MAP1A: variants seen among roughly 807,000 people sequenced by gnomAD.
The protein encoded by MAP1A is microtubule associated protein 1A.
MAP1A carries 42 observed loss-of-function variants against 185.9 expected under a neutral mutation model. That is an observed-to-expected ratio of 0.23 (90% CI 0.18 to 0.29). MAP1A has a LOEUF of 0.29. MAP1A is among the 10% of genes least tolerant of loss of function. The pLI, the probability that MAP1A is intolerant of heterozygous loss-of-function variation, is 1.00. For missense variants in MAP1A, 2,995 were observed against 3,450.4 expected, an observed-to-expected ratio of 0.87 and a Z score of 3.31; for synonymous variants, 1,229 against 1,335.9, an observed-to-expected ratio of 0.92 and a Z score of 1.74.
rs762520240 is a variant in MAP1A, at chr15:43,521,040, T to C, written c.-223T>C. On this transcript the variant is annotated 5_prime_UTR_variant, in exon 3 of 6. Coordinates refer to ENST00000300231, the MANE Select transcript of MAP1A (RefSeq NM_002373.6). The surrounding 1 kb of genome is among the most constrained non-coding windows in gnomAD (Gnocchi z 4.6). ...TCTTGAGTGGGCAAAGTTTAGAGCC[T>C]GGGGGAGACCTCATCCTACAGAGTG... is the stretch of plus-strand genomic sequence containing the variant. The C allele has an allele frequency of 1.3e-6, 2 of 1,550,342 alleles. No individual in the cohort carries two copies. The highest frequency in any genetic ancestry group is 2.4e-5 in the South Asian group (2 of 84,052).
At chr15:43,518,986 C>T (rs891474194) in intron 1 of MAP1A, among the ~76,000 whole-genome samples, 2 of 152,136 alleles carry the variant, frequency 1.3e-5, no homozygotes. Context: ...AAATGGGGAC[C>T]GTGAGGAATG....
At position 43,530,545 on chromosome 15, in the gene MAP1A, A is replaced by G. The variant is rs1423794527; in HGVS notation, c.*321A>G. 3 of 282,032 alleles carry G rather than the reference A, an allele frequency of 1.1e-5. No homozygotes were observed. The highest frequency in any genetic ancestry group is 2.0e-5 in the Non-Finnish European group (3 of 149,712). The allele number at this position is 282,032 out of a possible 1,614,324, so 17.5% of individuals were successfully genotyped here. A position where few individuals can be genotyped will look rare whatever the true frequency, so the allele number is the denominator to read the frequency against. ...TGGGGACTGAGGATGGGTCTCAGAGAGCAACCTCCTCCCTCGTAGAGGGAG... is the reference window on the plus strand; with the variant it reads ...TGGGGACTGAGGATGGGTCTCAGAGGGCAACCTCCTCCCTCGTAGAGGGAG... On this transcript the variant is annotated 3_prime_UTR_variant, in exon 6 of 6. Coordinates refer to ENST00000300231, the MANE Select transcript of MAP1A (RefSeq NM_002373.6).
upstream of MAP1A, among the ~76,000 whole-genome samples, chr15:43,514,676 C>T (rs894772453): frequency 3.3e-5 from 5 of 152,100 alleles, no homozygotes; most frequent in Admixed American, 2.6e-4. Flanking sequence ...AGTCAGTGGC[C>T]CAGCTCCTTC....
In MAP1A at chr15:43,528,409, T is replaced by C; in HGVS notation, c.6936T>C (p.Ala2312=). 1 of 1,613,734 alleles carries C rather than the reference T, an allele frequency of 6.2e-7. No individual in the cohort carries two copies. The part of the protein sequence containing the change: ...DLTPLSPAPP[A]SLDLALAPAP... ...CTCCTCTGAGCCCAGCACCCCCAGC[T>C]TCACTGGACTTGGCCCTAGCTCCAG... Residue 2312 remains alanine, a synonymous_variant, in exon 4 of 6, where the codon GCT becomes GCC. Transcript: ENST00000300231.
At chr15:43,518,572 C>T (rs73403747) in intron 1 of MAP1A, among the ~76,000 whole-genome samples, 60 of 152,068 alleles carry the variant, frequency 3.9e-4, no homozygotes, top group African/African-American at 1.4e-3. Context: ...GGGGTGGGGG[C>T]GGAGCTGGAG....
In MAP1A at chr15:43,528,431, C is replaced by T; in HGVS notation, c.6958C>T (p.Pro2320Ser). 6.2e-7 allele frequency: 1 copy of T among 1,613,614 alleles called. No individual in the cohort carries two copies. The highest frequency in any genetic ancestry group is 8.5e-7 in the Non-Finnish European group (1 of 1,180,028). The change falls in exon 4 of 6, where the codon CCA becomes TCA. Residue 2320 changes from proline (P) to serine (S), a missense_variant. By Grantham distance (74) the Pro-to-Ser change is moderately conservative. Around this residue, in one of 3 missense-constraint regions of MAP1A, gnomAD observed 2,728 missense variants for 2,986.0 expected, o/e 0.91. Transcript: ENST00000300231. ...AGCTTCACTGGACTTGGCCCTAGCTCCAGCTCCAAGCCTGCCTGGAGACAT... is the reference window on the plus strand; with the variant it reads ...AGCTTCACTGGACTTGGCCCTAGCTTCAGCTCCAAGCCTGCCTGGAGACAT... ...PPASLDLALA[P>S]APSLPGDMGD...
At position 43,524,702 on chromosome 15, in the gene MAP1A, G is replaced by T; in HGVS notation, c.3229G>T (p.Val1077Phe). 1 of 1,614,100 alleles carries T rather than the reference G, an allele frequency of 6.2e-7. No individual in the cohort carries two copies. The highest frequency in any genetic ancestry group is 8.5e-7 in the Non-Finnish European group (1 of 1,179,994). ...GAGCCCCCAGGCCCAGGAAGCACCT[G>T]TCAACATTGATGAGGGGCTTACAGG... The part of the protein sequence containing the change: ...PRSPQAQEAP[V>F]NIDEGLTGCT... Residue 1077 changes from valine to phenylalanine, a missense_variant, in exon 4 of 6, where the codon GTC becomes TTC. Val to Phe is a conservative substitution (Grantham distance 50). Transcript: ENST00000300231.
Position 43,529,145 on chromosome 15 carries a change from C to G in MAP1A, c.7672C>G (p.His2558Asp). 1 of 1,613,326 alleles carries G rather than the reference C, an allele frequency of 6.2e-7. No homozygotes were observed. The highest frequency in any genetic ancestry group is 8.5e-7 in the Non-Finnish European group (1 of 1,179,890). ...TGGTACTCACCACCCCAGGCCTGGC[C>G]ATGACCCACCTCCTCTCCCACAGCC... ...VSGTHHPRPGHDPPPLPQPDP... is the reference protein window; with the variant it reads ...VSGTHHPRPGDDPPPLPQPDP... Residue 2558 changes from histidine to aspartate, a missense_variant, in exon 4 of 6, where the codon CAT becomes GAT. By Grantham distance (81) the His-to-Asp change is moderately conservative (BLOSUM62 -1). Transcript: ENST00000300231. This position sits in a 1 kb window ranked among gnomAD's most constrained non-coding sequence, Gnocchi z 4.3.
chr15:43,524,416 GGA>G lies in MAP1A; in HGVS notation c.2945_2946del (p.Glu982AlafsTer4). The G allele has an allele frequency of 6.2e-7, 1 of 1,614,210 alleles. No homozygotes were observed. The highest frequency in any genetic ancestry group is 8.5e-7 in the Non-Finnish European group (1 of 1,180,040). On this transcript the variant is annotated frameshift_variant, in exon 4 of 6. Coordinates refer to ENST00000300231, the MANE Select transcript of MAP1A (RefSeq NM_002373.6). LOFTEE classifies it high-confidence loss of function. ...GAGAACCAGCCCTTGGAGAAGCAGA[GGA>G]GCGGTGCCTTAGCCCAGATGACAGC... ...PGEPALGEAE[E>X]RCLSPDDSTV...
At chr15:43,511,370 A>G in intron 1 of MAP1A, 1 of 655,190 alleles carries the variant, frequency 1.5e-6, no homozygotes, top group Non-Finnish European at 2.7e-6. Flanking sequence ...TGCATCTTCC[A>G]TGCCATGTGT....
rs1190745816 is a variant in MAP1A at position 43,524,659 on chromosome 15, G to C, written c.3186G>C (p.Glu1062Asp). The C allele has an allele frequency of 1.9e-6, 3 of 1,614,184 alleles. No homozygotes were observed. Among genetic ancestry groups the C allele is most frequent in the Admixed American group, 3.3e-5 (2 of 60,028 alleles). Residue 1062 changes from glutamate (E) to aspartate (D), a missense_variant, in exon 4 of 6, where the codon GAG (glutamate) becomes GAC (aspartate). By Grantham distance (45) the Glu-to-Asp change is conservative. This residue lies in a region of MAP1A where 2,728 missense variants were observed against 2,986.0 expected (regional missense o/e 0.91). Coordinates refer to ENST00000300231, the MANE Select transcript of MAP1A (RefSeq NM_002373.6). ...GPEEGTLEKE[E>D]KVPPPRSPQA... ...AAGAGGGCACACTAGAGAAGGAAGA[G>C]AAAGTTCCTCCTCCCAGGAGCCCCC...
In MAP1A at chr15:43,529,113, G is replaced by C. The variant is rs367826387; in HGVS notation, c.7640G>C (p.Gly2547Ala). Residue 2547 changes from glycine to alanine, a missense_variant, in exon 4 of 6, where the codon GGT (glycine) becomes GCT (alanine). This residue lies in a region of MAP1A where 2,728 missense variants were observed against 2,986.0 expected (regional missense o/e 0.91). Coordinates refer to ENST00000300231, the MANE Select transcript of MAP1A (RefSeq NM_002373.6). The surrounding 1 kb of genome is among the most constrained non-coding windows in gnomAD (Gnocchi z 4.3). Reference protein sequence around the residue: ...GDFLPVDKAGGVSGTHHPRPG... With the variant: ...GDFLPVDKAGAVSGTHHPRPG... ...TTCCTACCTGTGGACAAAGCTGGGG[G>C]TGTCAGTGGTACTCACCACCCCAGG... The C allele has an allele frequency of 2.5e-6, 4 of 1,613,546 alleles. No homozygotes were observed. Among genetic ancestry groups the C allele is most frequent in the Admixed American group, 1.7e-5 (1 of 59,998 alleles).
rs946414236 is a variant in MAP1A at position 43,523,328 on chromosome 15, G to A, written c.1855G>A (p.Glu619Lys). 3 of 1,610,794 alleles carry A rather than the reference G, an allele frequency of 1.9e-6. No homozygotes were observed. The highest frequency in any genetic ancestry group is 2.5e-6 in the Non-Finnish European group (3 of 1,178,310). ...AGACTCTGGGGCTGAAACAGAGGAA[G>A]AGAAAGATACCTGGGAGGAAAAGAA... ...GLDSGAETEEEKDTWEEKKQR... is the reference protein window; with the variant it reads ...GLDSGAETEEKKDTWEEKKQR... Residue 619 changes from glutamate (E) to lysine (K), a missense_variant, in exon 4 of 6, where the codon GAG becomes AAG. By Grantham distance (56) the Glu-to-Lys change is moderately conservative. Transcript: ENST00000300231.
In MAP1A at chr15:43,521,360, C is replaced by T. The variant is rs182590177; in HGVS notation, c.-114C>T. ...GCTCAGCAATAGAGACCCTGGGATA[C>T]AGGCCTTCCTTACCGTGTCCTGCTT... On this transcript the variant is annotated 5_prime_UTR_variant, in exon 4 of 6. Transcript: ENST00000300231. The surrounding 1 kb of genome is among the most constrained non-coding windows in gnomAD (Gnocchi z 4.6). The T allele has an allele frequency of 3.1e-6, 5 of 1,613,274 alleles. No homozygotes were observed. Among genetic ancestry groups the T allele is most frequent in the Non-Finnish European group, 3.4e-6 (4 of 1,179,802 alleles).
rs1185786744 is a variant in MAP1A, at chr15:43,530,007, C to A, written c.8257-62C>A. 5.7e-6 allele frequency: 9 copies of A among 1,576,030 alleles called. No homozygotes were observed. In the African/African-American group the frequency reaches 1.1e-4, roughly 19 times the overall value. Reference sequence around the variant, plus strand: ...CTGCTTCTGAGACCATGAGGTGCCCCTTCCCCCTCACCTACCTTCCCTTTA... The same window carrying A: ...CTGCTTCTGAGACCATGAGGTGCCCATTCCCCCTCACCTACCTTCCCTTTA... On this transcript the variant is annotated intron_variant, in intron 5 of 5. Coordinates refer to ENST00000300231, the MANE Select transcript of MAP1A (RefSeq NM_002373.6).
rs2079352810 is a variant in MAP1A, at chr15:43,527,881, C to T, written c.6408C>T (p.Pro2136=). 1 of 1,614,050 alleles carries T rather than the reference C, an allele frequency of 6.2e-7. No homozygotes were observed. Among genetic ancestry groups the T allele is most frequent in the Non-Finnish European group, 8.5e-7 (1 of 1,180,008 alleles). ...CTCACCCCATTCCTATGGGGTCCCCCACATTATGGCCAGAAACTGAGGCAC... is the reference window on the plus strand; with the variant it reads ...CTCACCCCATTCCTATGGGGTCCCCTACATTATGGCCAGAAACTGAGGCAC... ...SPPHPIPMGS[P]TLWPETEAHV... is the part of the protein sequence containing the mutation. Residue 2136 remains proline, a synonymous_variant, in exon 4 of 6, where the codon CCC becomes CCT. Transcript: ENST00000300231.
At chr15:43,516,083 A>G (rs958965934), upstream of MAP1A, among the ~76,000 whole-genome samples, 84 of 152,180 alleles carry the variant, frequency 5.5e-4, no homozygotes, top group African/African-American at 1.9e-3. Context: ...AGCCCTAGAA[A>G]GCAGGGAGGA....
rs770289774 is a variant in MAP1A, at chr15:43,527,529, C to A, written c.6056C>A (p.Ser2019Tyr). ...RNTSAEKELSSPISPKSLQSD... is the reference protein window; with the variant it reads ...RNTSAEKELSYPISPKSLQSD... ...ACATCTGCAGAGAAGGAGCTTTCAT[C>A]TCCTATCTCACCCAAGAGCCTCCAG... Residue 2019 changes from serine to tyrosine, a missense_variant, in exon 4 of 6, where the codon TCT becomes TAT. Ser to Tyr is a moderately radical substitution (Grantham distance 144). Around this residue, in one of 3 missense-constraint regions of MAP1A, gnomAD observed 2,728 missense variants for 2,986.0 expected, o/e 0.91. Transcript: ENST00000300231. 1.2e-6 allele frequency: 2 copies of A among 1,614,096 alleles called. No homozygotes were observed. The highest frequency in any genetic ancestry group is 2.2e-5 in the East Asian group (1 of 44,882).
At chr15:43,512,500 A>G (rs1490183915) in intron 2 of MAP1A, among the ~76,000 whole-genome samples, 1 of 152,210 alleles carries the variant, frequency 6.6e-6, no homozygotes, top group Non-Finnish European at 1.5e-5. Context: ...ACTGGAGAAC[A>G]TAACTTCTCC....
Sources: gnomAD v4.1 joint callset for allele counts (sites outside exome capture counted in the v4.1 genomes callset) on GRCh38, gnomAD v4.1.1 for gene constraint, gnomAD v4.1.1 regional missense constraint, Gnocchi (gnomAD v3.1) non-coding constraint, MANE v1.5 for transcripts, NCBI Gene and HGNC (gene_info 2026-07-23, HGNC 2026-07-21) for gene names.